DROSHA: variants seen among roughly 807,000 people sequenced by gnomAD.
DROSHA encodes the protein ribonuclease 3.
A neutral mutation model predicts 181.9 loss-of-function variants in DROSHA; 56 were observed. That is an observed-to-expected ratio of 0.31 (90% CI 0.25 to 0.38). The LOEUF is 0.38. Ranked by LOEUF, DROSHA falls within the 10% of genes least tolerant of loss-of-function variation. DROSHA has a pLI of 1.00. For synonymous variants in DROSHA, 524 were observed against 591.2 expected, an observed-to-expected ratio of 0.89 and a Z score of 1.65; for missense variants, 1,218 against 1,743.5, an observed-to-expected ratio of 0.70 and a Z score of 5.37.
intron 23 of DROSHA, among the ~76,000 whole-genome samples, chr5:31,439,888 C>CAGCAA (rs1745365248): frequency 6.6e-6 from 1 of 152,136 alleles, no homozygotes; most frequent in Non-Finnish European, 1.5e-5. Context: ...TGAGCAAAGA[C>CAGCAA]AGCAAAGGAC....
chr5:31,435,733 G>C, intron 25 of DROSHA, 32 bp downstream of exon 25: 1 of 1,594,462 alleles, frequency 6.3e-7, no homozygotes, highest in Non-Finnish European at 8.6e-7. Context: ...CATGTCAGAC[G>C]TAACTACAAA....
chr5:31,529,934 C>A (rs1741073339), intron 3 of DROSHA, among the ~76,000 whole-genome samples: 2 of 152,018 alleles, frequency 1.3e-5, no homozygotes, highest in South Asian at 2.1e-4. Context: ...TGAACTTCAG[C>A]AAAACATTTT....
At chr5:31,436,741 A>AACACACAC (rs58046266) in intron 24 of DROSHA, among the ~76,000 whole-genome samples, 19 of 137,698 alleles carry the variant, frequency 1.4e-4, no homozygotes, top group Non-Finnish European at 2.3e-4. Context: ...TCTGGAGAGA[A>AACACACAC]ACACACACAC....
rs1287582647 is a variant in DROSHA, at chr5:31,526,412, T to A, written c.521A>T (p.His174Leu). Reference protein sequence around the residue: ...VNYQYPPGYSHHNFPPPSFNS... With the variant: ...VNYQYPPGYSLHNFPPPSFNS... ...AAAACTGGGAGGTGGGAAGTTGTGG[T>A]GAGAATAGCCCGGAGGGTACTGATA... Residue 174 changes from histidine to leucine, a missense_variant, in exon 5 of 36, where the codon CAC becomes CTC. Physicochemically the swap from His to Leu is moderately conservative, Grantham distance 99. This residue lies in a region of DROSHA where 536 missense variants were observed against 535.4 expected (regional missense o/e 1.00). Coordinates refer to ENST00000344624, the MANE Select transcript of DROSHA (RefSeq NM_001382508.1). 9 of 1,609,540 alleles carry A rather than the reference T, an allele frequency of 5.6e-6. No individual in the cohort carries two copies. The highest frequency in any genetic ancestry group is 7.6e-6 in the Non-Finnish European group (9 of 1,179,316).
intron 21 of DROSHA, among the ~76,000 whole-genome samples, chr5:31,450,245 T>C (rs1746809363): frequency 6.6e-6 from 1 of 152,204 alleles, no homozygotes. Context: ...CATAAATTAG[T>C]ATAACCTCTA....
intron 13 of DROSHA, among the ~76,000 whole-genome samples, chr5:31,490,355 T>C (rs111378748): frequency 0.042 from 6,410 of 151,980 alleles, 447 homozygotes; most frequent in African/African-American, 0.15. Context: ...CTAATATTTT[T>C]ATTTTTTTGT....
chr5:31,523,613 G>A (rs1445088469), intron 5 of DROSHA, among the ~76,000 whole-genome samples: 1 of 152,148 alleles, frequency 6.6e-6, no homozygotes, highest in African/African-American at 2.4e-5. Context: ...TTTAGAGTCT[G>A]AAGAAAACTA....
intron 10 of DROSHA, among the ~76,000 whole-genome samples, chr5:31,505,193 A>G (rs1013205634): frequency 2.6e-5 from 4 of 152,234 alleles, no homozygotes; most frequent in Non-Finnish European, 4.4e-5. Flanking sequence ...AAGGCTCCAT[A>G]GGCAAGCAAT....
chr5:31,435,732 C>T lies in DROSHA; in HGVS notation c.3042+33G>A, dbSNP rs150811425. The T allele has an allele frequency of 2.1e-3, 3,338 of 1,593,110 alleles. 9 individuals are homozygous for T. Among genetic ancestry groups the T allele is most frequent in the Non-Finnish European group, 2.6e-3 (3,039 of 1,164,738 alleles). The stretch of plus-strand genomic sequence containing the variant: ...ATGGACCGCAGAAGAGCATGTCAGA[C>T]GTAACTACAAATGCTGCAGATGTCT... On this transcript the variant is annotated intron_variant, in intron 25 of 35. Coordinates refer to ENST00000344624, the MANE Select transcript of DROSHA (RefSeq NM_001382508.1).
chr5:31,511,711 A>AG (rs1383973350), intron 8 of DROSHA, among the ~76,000 whole-genome samples: 16 of 151,330 alleles, frequency 1.1e-4, no homozygotes, highest in Non-Finnish European at 1.8e-4. Flanking sequence ...AAAAAAAAAA[A>AG]CAGAAAAGAA....
intron 35 of DROSHA, among the ~76,000 whole-genome samples, chr5:31,404,844 T>C (rs1454082133): frequency 6.6e-6 from 1 of 152,064 alleles, no homozygotes; most frequent in South Asian, 2.1e-4. Context: ...AAAGGCTGAA[T>C]AAAATATTGC....
intron 11 of DROSHA, among the ~76,000 whole-genome samples, chr5:31,496,586 C>T (rs1236453438): frequency 6.6e-6 from 1 of 152,172 alleles, no homozygotes; most frequent in East Asian, 1.9e-4. Context: ...TACTTTCAGC[C>T]CTTGATGGGG....
rs939908715 is a variant in DROSHA, at chr5:31,409,506, C to T, written c.3668-174G>A. 5 of 609,078 alleles carry T rather than the reference C, an allele frequency of 8.2e-6. No homozygotes were observed. The highest frequency in any genetic ancestry group is 5.6e-5 in the African/African-American group (3 of 53,684). The allele number at this position is 609,078 out of a possible 1,614,324, so 37.7% of individuals were successfully genotyped here. Reference sequence around the variant, plus strand: ...CACTTTTTATCATTAATATCAGAAGCAGCAAGAGATGTGTAAGATGCAAAT... The same window carrying T: ...CACTTTTTATCATTAATATCAGAAGTAGCAAGAGATGTGTAAGATGCAAAT... On this transcript the variant is annotated intron_variant, in intron 31 of 35. Transcript: ENST00000344624. This position sits in a 1 kb window ranked among gnomAD's most constrained non-coding sequence, Gnocchi z 4.0.
chr5:31,418,928 C>T (rs1742299429), intron 30 of DROSHA, among the ~76,000 whole-genome samples: 1 of 152,122 alleles, frequency 6.6e-6, no homozygotes, highest in Non-Finnish European at 1.5e-5. Flanking sequence ...GGAGACAGGA[C>T]TGAAGAGATC....
chr5:31,485,099 T>C, intron 14 of DROSHA, 137 bp from the exon 15 acceptor site: 1 of 579,692 alleles, frequency 1.7e-6, no homozygotes, highest in Non-Finnish European at 3.0e-6. Flanking sequence ...CTGAAGAGTT[T>C]GGCCACTGAT....
intron 33 of DROSHA, chr5:31,407,186 AAAGT>A (rs1740748503): frequency 3.4e-6 from 1 of 291,530 alleles, no homozygotes; most frequent in African/African-American, 2.2e-5. Context: ...ATTTCTTCCC[AAAGT>A]AATATAAATA....
intron 23 of DROSHA, among the ~76,000 whole-genome samples, chr5:31,447,710 G>A (rs550842831): frequency 1.6e-4 from 25 of 152,250 alleles, no homozygotes; most frequent in African/African-American, 3.4e-4. Context: ...ATATTTCTCT[G>A]AAGAAGATGA....
rs1195661812 is a variant in DROSHA, at chr5:31,529,220, TACAA to T, written c.-46-119_-46-116del. On this transcript the variant is annotated intron_variant, in intron 3 of 35. Coordinates refer to ENST00000344624, the MANE Select transcript of DROSHA (RefSeq NM_001382508.1). Reference sequence around the variant, plus strand: ...TTTGTAGTTTCCAATACACTTAGCCTACAAACAAAATTAAAAGCATGTTGAACTG... The same window carrying T: ...TTTGTAGTTTCCAATACACTTAGCCTACAAAATTAAAAGCATGTTGAACTG... The T allele has an allele frequency of 1.1e-5, 9 of 824,116 alleles. No individual in the cohort carries two copies. The East Asian group carries it at 2.2e-4, about 20-fold the overall frequency. The allele number at this position is 824,116 out of a possible 1,614,324, so 51.1% of individuals were successfully genotyped here. A position where few individuals can be genotyped will look rare whatever the true frequency, so the allele number is the denominator to read the frequency against.
Position 31,405,661 on chromosome 5 carries a change from A to G in DROSHA, c.3994+16T>C. 2 of 1,551,148 alleles carry G rather than the reference A, an allele frequency of 1.3e-6. No homozygotes were observed. The highest frequency in any genetic ancestry group is 1.7e-6 in the Non-Finnish European group (2 of 1,149,898). On this transcript the variant is annotated intron_variant, in intron 35 of 35. Transcript: ENST00000344624. The stretch of plus-strand genomic sequence containing the variant: ...TTACATTATGAACATAATTATAGAA[A>G]AAAAAACAGGCTTACATTTTTCAAG...
Sources: gnomAD v4.1 joint callset for allele counts (sites outside exome capture counted in the v4.1 genomes callset) on GRCh38, gnomAD v4.1.1 for gene constraint, gnomAD v4.1.1 regional missense constraint, Gnocchi (gnomAD v3.1) non-coding constraint, MANE v1.5 for transcripts, NCBI Gene and HGNC (gene_info 2026-07-23, HGNC 2026-07-21) for gene names.